The following BAALC variants were observed in gnomAD, a reference collection of about 807,000 sequenced individuals.
BAALC encodes the protein BAALC binder of MAP3K1 and KLF4.
BAALC carries 9 observed loss-of-function variants against 15.5 expected under a neutral mutation model. The observed-to-expected ratio is 0.58, with a 90% confidence interval of 0.35 to 1.02. The LOEUF is 1.02. Among genes scored for constraint, BAALC ranks in the 50% least tolerant of loss-of-function variants. The probability of loss-of-function intolerance (pLI) is 0.02; values close to 1 mark genes in which losing one functional copy is unlikely to be tolerated. For synonymous variants in BAALC, 80 were observed against 74.6 expected (o/e 1.07, Z -0.37); for missense variants, 201 against 192.4 (o/e 1.04, Z -0.27).
At chr8:103,227,216 GATT>G (rs1812825558) in intron 2 of BAALC, among the ~76,000 whole-genome samples, 1 of 152,144 alleles carries the variant, frequency 6.6e-6, no homozygotes, top group Non-Finnish European at 1.5e-5. Flanking sequence ...AATCTCAAGA[GATT>G]AATGCAAATT....
At chr8:103,164,421 G>A (rs527815941) in intron 1 of BAALC, among the ~76,000 whole-genome samples, 2 of 152,278 alleles carry the variant, frequency 1.3e-5, no homozygotes, top group African/African-American at 4.8e-5. Context: ...TAAACCTCTC[G>A]TTTACTTCTG....
At chr8:103,204,400 T>G (rs1266390176) in intron 1 of BAALC, among the ~76,000 whole-genome samples, 2 of 152,216 alleles carry the variant, frequency 1.3e-5, no homozygotes, top group Non-Finnish European at 2.9e-5. Flanking sequence ...GTCCTTTGAA[T>G]CACAAAAGTT....
chr8:103,144,537 A>C (rs1246374206), intron 1 of BAALC, among the ~76,000 whole-genome samples: 1 of 152,188 alleles, frequency 6.6e-6, no homozygotes, highest in African/African-American at 2.4e-5. Context: ...GGGGGTCTCC[A>C]AGGAGAAAGG....
intron 1 of BAALC, among the ~76,000 whole-genome samples, chr8:103,174,869 GC>G (rs1354808523): frequency 6.6e-6 from 1 of 152,274 alleles, no homozygotes; most frequent in East Asian, 1.9e-4. Flanking sequence ...TGTTACAATA[GC>G]AAAAGCAAAG....
intron 1 of BAALC, 114 bp downstream of exon 1, chr8:103,141,171 T>C (rs1810766784): frequency 8.0e-7 from 1 of 1,245,184 alleles, no homozygotes; most frequent in Non-Finnish European, 1.0e-6. Context: ...CGGGGGTGGC[T>C]GGGAGGAAGC....
intron 1 of BAALC, among the ~76,000 whole-genome samples, chr8:103,210,537 C>T (rs1812427309): frequency 6.6e-6 from 1 of 152,248 alleles, no homozygotes; most frequent in Non-Finnish European, 1.5e-5. Context: ...GCTTCTGATG[C>T]CTGCCCCATG....
At chr8:103,144,517 G>T (rs182348958) in intron 1 of BAALC, among the ~76,000 whole-genome samples, 1 of 152,106 alleles carries the variant, frequency 6.6e-6, no homozygotes, top group Non-Finnish European at 1.5e-5. Context: ...TTTTAATTCT[G>T]TTGCCTGGTG....
At chr8:103,185,345 T>C (rs1811810541) in intron 1 of BAALC, among the ~76,000 whole-genome samples, 1 of 152,126 alleles carries the variant, frequency 6.6e-6, no homozygotes, top group Admixed American at 6.5e-5. Context: ...ATTCTTCAAA[T>C]TGTCTCCTCC....
At position 103,179,483 on chromosome 8, in the gene BAALC, A is replaced by G. The variant is rs184742895; in HGVS notation, c.161-33436A>G. Reference sequence around the variant, plus strand: ...GGTCACTGTGCTGAATAGAAGCACAATGTGCTCTATGCGGAGTCACAGACT... The same window carrying G: ...GGTCACTGTGCTGAATAGAAGCACAGTGTGCTCTATGCGGAGTCACAGACT... On this transcript the variant is annotated intron_variant, in intron 1 of 2. Transcript: ENST00000309982. 3.1e-4 allele frequency among the ~76,000 whole-genome samples: 47 copies of G among 152,368 alleles called. 1 individual carries two copies. The East Asian group carries it at 7.9e-3, about 26-fold the overall frequency.
chr8:103,183,294 C>T (rs75115719), intron 1 of BAALC: 35,612 of 698,276 alleles, frequency 0.051, 1,153 homozygotes, highest in South Asian at 0.099. Flanking sequence ...TGGAGAAAAA[C>T]ATGGAATGTC....
At chr8:103,178,664 C>A (rs1291932421) in intron 1 of BAALC, among the ~76,000 whole-genome samples, 3 of 152,092 alleles carry the variant, frequency 2.0e-5, no homozygotes, top group Non-Finnish European at 4.4e-5. Flanking sequence ...CAAGACCAGC[C>A]TGGCCAACAT....
intron 2 of BAALC, among the ~76,000 whole-genome samples, chr8:103,216,554 C>T (rs1812561048): frequency 6.6e-6 from 1 of 152,278 alleles, no homozygotes; most frequent in South Asian, 2.1e-4. Flanking sequence ...GTGGTTCGGT[C>T]ACTGCCCTCT....
intron 1 of BAALC, among the ~76,000 whole-genome samples, chr8:103,170,786 G>A (rs909012914): frequency 2.0e-5 from 3 of 152,178 alleles, no homozygotes; most frequent in African/African-American, 4.8e-5. Context: ...ATTAAGTTAC[G>A]TGATTTAGTG....
At chr8:103,220,020 C>CAGAAACT (rs1462015432) in intron 2 of BAALC, among the ~76,000 whole-genome samples, 1 of 152,150 alleles carries the variant, frequency 6.6e-6, no homozygotes, top group African/African-American at 2.4e-5. Flanking sequence ...AACAGAGGCT[C>CAGAAACT]AGAAACTAGA....
At chr8:103,197,794 C>T (rs1021360691) in intron 1 of BAALC, among the ~76,000 whole-genome samples, 4 of 151,926 alleles carry the variant, frequency 2.6e-5, no homozygotes, top group South Asian at 2.1e-4. Flanking sequence ...AGCCAGATGT[C>T]GCATGAACTC....
intron 1 of BAALC, among the ~76,000 whole-genome samples, chr8:103,149,257 C>T (rs1810934308): frequency 6.6e-6 from 1 of 152,138 alleles, no homozygotes; most frequent in African/African-American, 2.4e-5. Context: ...AGGCTGAGTC[C>T]TGCAGCTCTG....
At chr8:103,185,586 C>T (rs1313585665) in intron 1 of BAALC, among the ~76,000 whole-genome samples, 1 of 152,224 alleles carries the variant, frequency 6.6e-6, no homozygotes, top group Non-Finnish European at 1.5e-5. Flanking sequence ...TTCAGAGTAA[C>T]ATATGGGGCT....
At chr8:103,207,081 C>T (rs998773214) in intron 1 of BAALC, among the ~76,000 whole-genome samples, 5 of 152,108 alleles carry the variant, frequency 3.3e-5, no homozygotes, top group East Asian at 1.9e-4. Context: ...TACCAACATC[C>T]ACCACACCTG....
rs1358451505 is a variant in BAALC, at chr8:103,228,187, C to A, written c.*88C>A. ...TCAAAGAACCTTGAAGAAGTGGCTG[C>A]CCCTTGCTGGACCTGAATTCTACTG... is the stretch of plus-strand genomic sequence containing the variant. On this transcript the variant is annotated 3_prime_UTR_variant, in exon 3 of 3. Transcript: ENST00000309982. The A allele has an allele frequency of 5.4e-6, 5 of 919,874 alleles. No individual in the cohort carries two copies. Among genetic ancestry groups the A allele is most frequent in the African/African-American group, 5.0e-5 (3 of 60,494 alleles). 57.0% of individuals were successfully genotyped at this position (919,874 alleles called of 1,614,324 possible).
Sources: allele counts gnomAD v4.1 joint callset (sites outside exome capture counted in the v4.1 genomes callset), GRCh38; gene constraint gnomAD v4.1.1; transcripts MANE v1.5; gene names NCBI Gene and HGNC (gene_info 2026-07-23, HGNC 2026-07-21).